Variants in CNTN5 observed in about 807,000 individuals in gnomAD.
CNTN5 encodes the protein contactin-5.
Under a neutral mutation model 129.1 loss-of-function variants are expected in CNTN5, and 77 were observed. That is an observed-to-expected ratio of 0.60 (90% CI 0.50 to 0.72). The LOEUF (loss-of-function observed/expected upper bound fraction) is 0.72. CNTN5 is among the 30% of genes least tolerant of loss of function. The pLI is 0.00. For missense variants in CNTN5, 1,478 were observed against 1,328.8 expected (o/e 1.11, Z -1.75); for synonymous variants, 509 against 465.6 (o/e 1.09, Z -1.20).
chr11:99,920,190 C>G (rs991320561), intron 7 of CNTN5, among the ~76,000 whole-genome samples: 1 of 152,112 alleles, frequency 6.6e-6, no homozygotes, highest in Non-Finnish European at 1.5e-5. Context: ...CCATAAAACA[C>G]TATTTTCACT....
chr11:99,235,607 T>A (rs1023371588), intron 1 of CNTN5, among the ~76,000 whole-genome samples: 1 of 152,190 alleles, frequency 6.6e-6, no homozygotes, highest in Non-Finnish European at 1.5e-5. Flanking sequence ...TAGGGCTATT[T>A]CTTATAGCAG....
intron 2 of CNTN5, among the ~76,000 whole-genome samples, chr11:99,448,457 T>C (rs1944159851): frequency 6.6e-6 from 1 of 152,102 alleles, no homozygotes; most frequent in Non-Finnish European, 1.5e-5. Flanking sequence ...AGAAAAGTAA[T>C]AAAATAAATA....
At chr11:100,084,976 G>A (rs1031058532) in intron 13 of CNTN5, among the ~76,000 whole-genome samples, 9 of 152,038 alleles carry the variant, frequency 5.9e-5, no homozygotes, top group Admixed American at 4.6e-4. Context: ...GTGCACAGGG[G>A]CATCACAGAA....
chr11:99,675,403 C>A (rs961935707), intron 3 of CNTN5, among the ~76,000 whole-genome samples: 1 of 152,112 alleles, frequency 6.6e-6, no homozygotes, highest in Non-Finnish European at 1.5e-5. Context: ...AAAATGCAGG[C>A]TGGGTGCGGT....
At chr11:99,296,195 T>G (rs1864382762) in intron 1 of CNTN5, among the ~76,000 whole-genome samples, 1 of 152,170 alleles carries the variant, frequency 6.6e-6, no homozygotes, top group Non-Finnish European at 1.5e-5. Context: ...GATGTCATCT[T>G]TTTCTGGGGA....
intron 9 of CNTN5, among the ~76,000 whole-genome samples, chr11:100,049,431 A>G (rs1161312907): frequency 6.6e-6 from 1 of 152,126 alleles, no homozygotes; most frequent in East Asian, 1.9e-4. Context: ...AAAACTAATA[A>G]AAATAAGACA....
chr11:100,207,093 G>A (rs2138573982), intron 15 of CNTN5, among the ~76,000 whole-genome samples: 1 of 152,160 alleles, frequency 6.6e-6, no homozygotes, highest in Non-Finnish European at 1.5e-5. Flanking sequence ...ATAAGACCAG[G>A]CCAGTGTCAC....
At chr11:100,050,605 C>A (rs1440452937) in intron 9 of CNTN5, among the ~76,000 whole-genome samples, 2 of 150,718 alleles carry the variant, frequency 1.3e-5, no homozygotes, top group Non-Finnish European at 1.5e-5. Context: ...TGCACTTGTA[C>A]CCTAAAACTT....
intron 13 of CNTN5, among the ~76,000 whole-genome samples, chr11:100,105,483 T>C (rs2138083997): frequency 1.3e-5 from 2 of 152,278 alleles, no homozygotes; most frequent in South Asian, 4.1e-4. Context: ...AATAACTAGG[T>C]CCAAAGTGTC....
intron 1 of CNTN5, among the ~76,000 whole-genome samples, chr11:99,304,135 C>G (rs1864769816): frequency 6.6e-6 from 1 of 152,100 alleles, no homozygotes; most frequent in Non-Finnish European, 1.5e-5. Context: ...AAAGCTAAGC[C>G]TGAGAAATTT....
At chr11:99,034,106 C>G (rs1250193032) in intron 1 of CNTN5, among the ~76,000 whole-genome samples, 2 of 152,096 alleles carry the variant, frequency 1.3e-5, no homozygotes, top group South Asian at 4.1e-4. Context: ...GCCTTGCATC[C>G]CAAGGATGAA....
chr11:99,109,466 G>A (rs976960653), intron 1 of CNTN5, among the ~76,000 whole-genome samples: 4 of 151,984 alleles, frequency 2.6e-5, no homozygotes, highest in Admixed American at 1.3e-4. Context: ...ATGAAGATAC[G>A]TAAGGGACTT....
intron 1 of CNTN5, among the ~76,000 whole-genome samples, chr11:99,267,195 T>C (rs940367073): frequency 6.6e-6 from 1 of 152,030 alleles, no homozygotes; most frequent in African/African-American, 2.4e-5. Context: ...CCTTAATAAG[T>C]CATTGTCTAT....
At chr11:99,381,306 A>G (rs563238377) in intron 2 of CNTN5, among the ~76,000 whole-genome samples, 1 of 152,340 alleles carries the variant, frequency 6.6e-6, no homozygotes, top group Non-Finnish European at 1.5e-5. Flanking sequence ...GGAAATATCA[A>G]TTAAACTAGG....
chr11:99,260,343 A>G (rs1862569769), intron 1 of CNTN5, among the ~76,000 whole-genome samples: 1 of 151,796 alleles, frequency 6.6e-6, no homozygotes, highest in Non-Finnish European at 1.5e-5. Flanking sequence ...CTCTTTACAC[A>G]TGTACAATGC....
intron 2 of CNTN5, among the ~76,000 whole-genome samples, chr11:99,382,737 T>C (rs139867682): frequency 1.5e-3 from 234 of 151,550 alleles, no homozygotes; most frequent in Middle Eastern, 3.4e-3. Flanking sequence ...TGTTTTCTTA[T>C]GGGAGGAGAG....
intron 3 of CNTN5, among the ~76,000 whole-genome samples, chr11:99,655,106 T>C (rs684888): frequency 0.61 from 92,543 of 151,482 alleles, 29,199 homozygotes; most frequent in Admixed American, 0.7. Flanking sequence ...TGTGGGGGTC[T>C]TCAAACTGGT....
intron 9 of CNTN5, among the ~76,000 whole-genome samples, chr11:100,040,647 A>T (rs1942322207): frequency 6.6e-6 from 1 of 152,074 alleles, no homozygotes; most frequent in Admixed American, 6.5e-5. Flanking sequence ...CGCTTTGTTT[A>T]CCTAATCAAA....
chr11:99,516,784 T>C (rs575623028), intron 2 of CNTN5, among the ~76,000 whole-genome samples: 7 of 152,266 alleles, frequency 4.6e-5, no homozygotes, highest in African/African-American at 1.7e-4. Context: ...TGTGTAAAAA[T>C]GTTAGTATTA....
Sources: allele counts gnomAD v4.1 joint callset (sites outside exome capture counted in the v4.1 genomes callset), GRCh38; gene constraint gnomAD v4.1.1; transcripts MANE v1.5; gene names NCBI Gene and HGNC (gene_info 2026-07-23, HGNC 2026-07-21).